CA12: variants seen among roughly 807,000 people sequenced by gnomAD.
The protein encoded by CA12 is carbonic anhydrase 12.
Under a neutral mutation model 46.8 loss-of-function variants are expected in CA12, and 36 were observed. The ratio of observed to expected loss-of-function variants is 0.77; its 90% CI spans 0.59 to 1.02. The LOEUF is 1.02. Ranked by LOEUF, CA12 falls within the 50% of genes least tolerant of loss-of-function variation. CA12 has a pLI of 0.00. For missense variants in CA12, 436 were observed against 451.4 expected (o/e 0.97, Z 0.31); for synonymous variants, 202 against 187.0 (o/e 1.08, Z -0.65).
intron 8 of CA12, 31 bp downstream of exon 8, chr15:63,338,788 A>AC (rs1216839032): frequency 6.2e-7 from 1 of 1,611,866 alleles, no homozygotes; most frequent in East Asian, 2.2e-5. Context: ...ACACTCCCGC[A>AC]CCCCCTCCCC....
intron 8 of CA12, among the ~76,000 whole-genome samples, chr15:63,334,860 G>T (rs1046004669): frequency 1.3e-5 from 2 of 152,164 alleles, no homozygotes; most frequent in African/African-American, 4.8e-5. Flanking sequence ...AAAGGAAGAT[G>T]GGGAACAAGG....
At chr15:63,359,253 T>C (rs1470608122) in intron 2 of CA12, among the ~76,000 whole-genome samples, 1 of 152,040 alleles carries the variant, frequency 6.6e-6, no homozygotes, top group Admixed American at 6.6e-5. Flanking sequence ...GGCTAGCAAA[T>C]CATTTTTAAA....
At position 63,340,291 on chromosome 15, in the gene CA12, C is replaced by T; in HGVS notation, c.744G>A (p.Glu248=). The change falls in exon 7 of 11, where the codon GAG becomes GAA. Residue 248 remains glutamate, a synonymous_variant. Transcript: ENST00000178638. This position sits in a 1 kb window ranked among gnomAD's most constrained non-coding sequence, Gnocchi z 4.4. ...CTGAGTCTGGCACGACAGTTACCTG[C>T]TCCTGGGAAATTTGCACGGGGTTTC... ...VFRNPVQISQ[E]QLLALETALY... 1.2e-6 allele frequency: 2 copies of T among 1,614,208 alleles called. No individual in the cohort carries two copies. The highest frequency in any genetic ancestry group is 1.7e-6 in the Non-Finnish European group (2 of 1,180,048).
At chr15:63,361,389 T>C (rs1403499372) in intron 2 of CA12, among the ~76,000 whole-genome samples, 3 of 152,224 alleles carry the variant, frequency 2.0e-5, no homozygotes, top group Non-Finnish European at 4.4e-5. Flanking sequence ...ACTAAGCCAG[T>C]GATTTTCAAC....
chr15:63,346,043 A>G lies in CA12; in HGVS notation c.287-424T>C, dbSNP rs150951304. Among the ~76,000 whole-genome samples the G allele has an allele frequency of 6.0e-3, 914 of 152,342 alleles. 3 individuals carry two copies. Among genetic ancestry groups the G allele is most frequent in the African/African-American group, 0.017 (716 of 41,584 alleles). On this transcript the variant is annotated intron_variant, in intron 3 of 10. Coordinates refer to ENST00000178638, the MANE Select transcript of CA12 (RefSeq NM_001218.5). ...CTCTGTATGCCAGACCCCAACGTAC[A>G]TAATCTCCAGTCTTCACGGTATCCA... is the stretch of plus-strand genomic sequence containing the variant.
chr15:63,339,018 C>T lies in CA12; in HGVS notation c.748-73G>A, dbSNP rs1251165785. ...CTGATCCCCTGGGAAGAGGCTAGCT[C>T]TCCGCTCTTGCACCTGGGAGAAGCC... On this transcript the variant is annotated intron_variant, in intron 7 of 10. Transcript: ENST00000178638. The surrounding 1 kb of genome is among the most constrained non-coding windows in gnomAD (Gnocchi z 4.3). 1.9e-6 allele frequency: 3 copies of T among 1,587,084 alleles called. No individual in the cohort carries two copies. The highest frequency in any genetic ancestry group is 1.1e-5 in the South Asian group (1 of 88,882).
intron 2 of CA12, among the ~76,000 whole-genome samples, chr15:63,356,886 T>C (rs1273269177): frequency 1.3e-5 from 2 of 152,206 alleles, no homozygotes; most frequent in East Asian, 3.8e-4. Context: ...TGTACACCTG[T>C]GTTCATAGCA....
chr15:63,378,025 G>A lies in CA12; in HGVS notation c.86-2347C>T, dbSNP rs956591025. On this transcript the variant is annotated intron_variant, in intron 1 of 10. Transcript: ENST00000178638. This position sits in a 1 kb window ranked among gnomAD's most constrained non-coding sequence, Gnocchi z 4.8. Reference sequence around the variant, plus strand: ...TCTTCAAGTCTCCTCAATCTTTGGAGTAGTTAAGTGGAGGAGTCCAGACCC... The same window carrying A: ...TCTTCAAGTCTCCTCAATCTTTGGAATAGTTAAGTGGAGGAGTCCAGACCC... Among the ~76,000 whole-genome samples, 1 of 152,220 alleles carries A rather than the reference G, an allele frequency of 6.6e-6. No homozygotes were observed. The highest frequency in any genetic ancestry group is 1.9e-4 in the East Asian group (1 of 5,196).
At chr15:63,369,967 C>T (rs1365630649) in intron 2 of CA12, among the ~76,000 whole-genome samples, 2 of 152,130 alleles carry the variant, frequency 1.3e-5, no homozygotes, top group East Asian at 3.9e-4. Context: ...ACGCACAAAC[C>T]CCAATTCTGC....
At chr15:63,369,683 T>C (rs2039478319) in intron 2 of CA12, among the ~76,000 whole-genome samples, 1 of 150,936 alleles carries the variant, frequency 6.6e-6, no homozygotes, top group Non-Finnish European at 1.5e-5. Flanking sequence ...TCTCATCTTG[T>C]AGCTAAGGAA....
chr15:63,349,628 G>GA (rs1163323937), intron 2 of CA12, among the ~76,000 whole-genome samples: 1 of 152,174 alleles, frequency 6.6e-6, no homozygotes, highest in Admixed American at 6.5e-5. Flanking sequence ...TTTTATGGGT[G>GA]AAAAATAGAG....
chr15:63,338,649 C>G (rs532342588), intron 8 of CA12, among the ~76,000 whole-genome samples, 170 bp downstream of exon 8: 1 of 152,240 alleles, frequency 6.6e-6, no homozygotes, highest in Admixed American at 6.5e-5. Flanking sequence ...GAAGGGGGGA[C>G]CCCAGTGAGC....
At position 63,340,178 on chromosome 15, in the gene CA12, A is replaced by G; in HGVS notation, c.747+110T>C. 1 of 1,270,244 alleles carries G rather than the reference A, an allele frequency of 7.9e-7. No individual in the cohort carries two copies. The highest frequency in any genetic ancestry group is 1.1e-6 in the Non-Finnish European group (1 of 885,164). The allele number at this position is 1,270,244 out of a possible 1,614,324, so 78.7% of individuals were successfully genotyped here. On this transcript the variant is annotated intron_variant, in intron 7 of 10. Transcript: ENST00000178638. This position sits in a 1 kb window ranked among gnomAD's most constrained non-coding sequence, Gnocchi z 4.4. ...CCTGTGATATTTGGAGAGGTTTTGAAGAGCTGCCAATGAAACTAAATGAGG... is the reference window on the plus strand; with the variant it reads ...CCTGTGATATTTGGAGAGGTTTTGAGGAGCTGCCAATGAAACTAAATGAGG...
In CA12 at chr15:63,373,209, A is replaced by G. The variant is rs2039528868; in HGVS notation, c.106+2449T>C. Among the ~76,000 whole-genome samples the G allele has an allele frequency of 6.6e-6, 1 of 152,132 alleles. No individual in the cohort carries two copies. The highest frequency in any genetic ancestry group is 1.5e-5 in the Non-Finnish European group (1 of 68,022). ...GTGAAACCCCATCTCTAATAAAAAT[A>G]CAGAAATTAGCCGGGCGTGATGGCA... On this transcript the variant is annotated intron_variant, in intron 2 of 10. Coordinates refer to ENST00000178638, the MANE Select transcript of CA12 (RefSeq NM_001218.5). This position sits in a 1 kb window ranked among gnomAD's most constrained non-coding sequence, Gnocchi z 4.9.
rs1156568431 is a variant in CA12, at chr15:63,331,555, G to A, written c.875-3425C>T. 2 of 152,252 alleles carry A rather than the reference G, an allele frequency of 1.3e-5. No homozygotes were observed. The highest frequency in any genetic ancestry group is 1.9e-4 in the East Asian group (1 of 5,192). The allele number at this position is 152,252 out of a possible 1,614,324, so 9.4% of individuals were successfully genotyped here. A position where few individuals can be genotyped will look rare whatever the true frequency, so the allele number is the denominator to read the frequency against. ...ACAGAAGGAGCTCTGGGGCTGGCTG[G>A]TAAGAGGGTGCACACCATGAGGACG... On this transcript the variant is annotated intron_variant, in intron 8 of 10. Coordinates refer to ENST00000178638, the MANE Select transcript of CA12 (RefSeq NM_001218.5). This position sits in a 1 kb window ranked among gnomAD's most constrained non-coding sequence, Gnocchi z 5.3.
chr15:63,375,249 C>G (rs747385648), intron 2 of CA12, among the ~76,000 whole-genome samples: 2 of 152,222 alleles, frequency 1.3e-5, no homozygotes, highest in Non-Finnish European at 1.5e-5. Flanking sequence ...TCTGGGACCT[C>G]AGCCAAACTT....
In CA12 at chr15:63,340,182, C is replaced by T. The variant is rs1009327768; in HGVS notation, c.747+106G>A. The T allele has an allele frequency of 1.5e-6, 2 of 1,302,378 alleles. No homozygotes were observed. Among genetic ancestry groups the T allele is most frequent in the Non-Finnish European group, 2.2e-6 (2 of 912,686 alleles). The allele number at this position is 1,302,378 out of a possible 1,614,324, so 80.7% of individuals were successfully genotyped here. A position where few individuals can be genotyped will look rare whatever the true frequency, so the allele number is the denominator to read the frequency against. On this transcript the variant is annotated intron_variant, in intron 7 of 10. Transcript: ENST00000178638. The surrounding 1 kb of genome is among the most constrained non-coding windows in gnomAD (Gnocchi z 4.4). ...TGATATTTGGAGAGGTTTTGAAGAG[C>T]TGCCAATGAAACTAAATGAGGAAAT...
At chr15:63,353,541 C>G (rs1487944283) in intron 2 of CA12, among the ~76,000 whole-genome samples, 5 of 152,150 alleles carry the variant, frequency 3.3e-5, no homozygotes, top group Non-Finnish European at 7.4e-5. Flanking sequence ...AAAGGTCTTC[C>G]TGTTGGGAGG....
At chr15:63,367,868 A>C (rs2152625297) in intron 2 of CA12, among the ~76,000 whole-genome samples, 1 of 152,282 alleles carries the variant, frequency 6.6e-6, no homozygotes, top group African/African-American at 2.4e-5. Flanking sequence ...CTAGTGCCTA[A>C]ATTACTTTGT....
Sources: gnomAD v4.1 joint callset for allele counts (sites outside exome capture counted in the v4.1 genomes callset) on GRCh38, gnomAD v4.1.1 for gene constraint, Gnocchi (gnomAD v3.1) non-coding constraint, MANE v1.5 for transcripts, NCBI Gene and HGNC (gene_info 2026-07-23, HGNC 2026-07-21) for gene names.